Variants in KIF6 observed in about 807,000 individuals in gnomAD.
The protein encoded by KIF6 is kinesin family member 6.
Under a neutral mutation model 112.7 loss-of-function variants are expected in KIF6, and 106 were observed. The ratio of observed to expected loss-of-function variants is 0.94; its 90% CI spans 0.80 to 1.11. The LOEUF (loss-of-function observed/expected upper bound fraction) is 1.11. KIF6 is among the 50% of genes least tolerant of loss of function. The probability of loss-of-function intolerance (pLI) is 0.00; values close to 1 mark genes in which losing one functional copy is unlikely to be tolerated. For missense variants in KIF6, 929 were observed against 964.0 expected (o/e 0.96, Z 0.48); for synonymous variants, 339 against 339.9 (o/e 1.00, Z 0.03).
chr6:39,709,882 G>A (rs1789437533), intron 3 of KIF6, among the ~76,000 whole-genome samples: 1 of 151,934 alleles, frequency 6.6e-6, no homozygotes, highest in Non-Finnish European at 1.5e-5. Context: ...GCCAAATTAT[G>A]TAATTCTTAA....
At chr6:39,681,188 G>C (rs983834173) in intron 3 of KIF6, among the ~76,000 whole-genome samples, 1 of 152,112 alleles carries the variant, frequency 6.6e-6, no homozygotes, top group Non-Finnish European at 1.5e-5. Context: ...GATCCGATTT[G>C]AACACAATGA....
chr6:39,336,333 T>TCAGCCC lies in KIF6; in HGVS notation c.*193_*198dup, dbSNP rs1053132362. ...AGCAACCACAGGAAGGATGTTGTGG[T>TCAGCCC]CAGCCCCAGCCCCAGCCTCTCGGTG... On this transcript the variant is annotated 3_prime_UTR_variant, in exon 23 of 23. Transcript: ENST00000287152. 5 of 581,606 alleles carry TCAGCCC rather than the reference T, an allele frequency of 8.6e-6. No individual in the cohort carries two copies. Among genetic ancestry groups the TCAGCCC allele is most frequent in the Non-Finnish European group, 1.2e-5 (4 of 328,152 alleles). The allele number at this position is 581,606 out of a possible 1,614,324, so 36.0% of individuals were successfully genotyped here. A position where few individuals can be genotyped will look rare whatever the true frequency, so the allele number is the denominator to read the frequency against.
At chr6:39,641,471 C>T (rs1009209601) in intron 3 of KIF6, among the ~76,000 whole-genome samples, 4 of 151,440 alleles carry the variant, frequency 2.6e-5, no homozygotes, top group Non-Finnish European at 4.4e-5. Flanking sequence ...GGAAGGGGAA[C>T]ATCACACACC....
intron 3 of KIF6, among the ~76,000 whole-genome samples, chr6:39,712,505 T>C (rs1351939976): frequency 6.6e-6 from 1 of 152,098 alleles, no homozygotes; most frequent in African/African-American, 2.4e-5. Flanking sequence ...ACGAAGCCCC[T>C]GCCTTCATGG....
chr6:39,688,954 T>C (rs1456956667), intron 3 of KIF6, among the ~76,000 whole-genome samples: 5 of 151,980 alleles, frequency 3.3e-5, no homozygotes, highest in Non-Finnish European at 7.4e-5. Flanking sequence ...AATAAAAAGT[T>C]AGCCCAGTGT....
rs1453038915 is a variant in KIF6 at position 39,510,562 on chromosome 6, G to A, written c.1645+29441C>T. 2.0e-5 allele frequency among the ~76,000 whole-genome samples: 3 copies of A among 152,080 alleles called. No individual in the cohort carries two copies. In the East Asian group the frequency reaches 5.8e-4, roughly 29 times the overall value. On this transcript the variant is annotated intron_variant, in intron 13 of 22. Coordinates refer to ENST00000287152, the MANE Select transcript of KIF6 (RefSeq NM_145027.6). ...CCGAAGGAATCACTAAACATGGAAA[G>A]GAACAACTGGTACCAGCAACTGCAA...
intron 19 of KIF6, among the ~76,000 whole-genome samples, chr6:39,350,005 C>T (rs974215109): frequency 2.0e-5 from 3 of 152,156 alleles, no homozygotes; most frequent in Non-Finnish European, 4.4e-5. Context: ...CCTTTCGGGG[C>T]CTCAGTGTCC....
chr6:39,359,005 C>A (rs915807704), intron 18 of KIF6, among the ~76,000 whole-genome samples: 1 of 152,072 alleles, frequency 6.6e-6, no homozygotes, highest in Non-Finnish European at 1.5e-5. Context: ...TTTTGATAAC[C>A]GTATTTCATT....
At chr6:39,662,183 T>C (rs1308918016) in intron 3 of KIF6, among the ~76,000 whole-genome samples, 3 of 152,294 alleles carry the variant, frequency 2.0e-5, no homozygotes, top group African/African-American at 7.2e-5. Context: ...GGATATTAAG[T>C]GGTGTAAGTA....
At chr6:39,436,728 T>C (rs763559052) in intron 13 of KIF6, among the ~76,000 whole-genome samples, 9 of 152,208 alleles carry the variant, frequency 5.9e-5, no homozygotes, top group African/African-American at 9.6e-5. Context: ...GGTCTGTGTG[T>C]CTACTTTTAC....
In KIF6 at chr6:39,639,850, C is replaced by A. The variant is rs949321119; in HGVS notation, c.252-93G>T. 9.7e-5 allele frequency: 107 copies of A among 1,097,540 alleles called. 1 individual carries two copies. Among genetic ancestry groups the A allele is most frequent in the African/African-American group, 1.8e-4 (11 of 60,462 alleles). 68.0% of individuals were successfully genotyped at this position (1,097,540 alleles called of 1,614,324 possible). ...ATTCTAATAACAATCTTATTAAACA[C>A]TATTAAAAAAACTTTATAGAAATAT... is the stretch of plus-strand genomic sequence containing the variant. On this transcript the variant is annotated intron_variant, in intron 3 of 22. Coordinates refer to ENST00000287152, the MANE Select transcript of KIF6 (RefSeq NM_145027.6).
intron 13 of KIF6, among the ~76,000 whole-genome samples, chr6:39,480,376 C>T (rs925987676): frequency 2.0e-5 from 3 of 152,152 alleles, no homozygotes; most frequent in African/African-American, 7.2e-5. Flanking sequence ...GCATGTTAAA[C>T]CATCCTTGCA....
Position 39,592,115 on chromosome 6 carries a change from A to AAAC in KIF6, c.846+3938_846+3939insGTT, listed in dbSNP as rs1554131854. 2.6e-4 allele frequency among the ~76,000 whole-genome samples: 40 copies of AAAC among 151,928 alleles called. No homozygotes were observed. The East Asian group carries it at 5.5e-3, about 21-fold the overall frequency. ...CGACAGAGTGAGACTCCGTCTCAAA[A>AAAC]AAACAAACAAACAAACAAACAAACC... On this transcript the variant is annotated intron_variant, in intron 7 of 22. Transcript: ENST00000287152.
intron 15 of KIF6, among the ~76,000 whole-genome samples, chr6:39,413,049 A>T (rs569724690): frequency 2.2e-4 from 34 of 152,126 alleles, no homozygotes; most frequent in African/African-American, 8.2e-4. Context: ...TTTTATCATT[A>T]TTTTTAATAG....
At chr6:39,419,859 G>T (rs1378757459) in intron 15 of KIF6, 89 bp downstream of exon 15, 13 of 1,125,180 alleles carry the variant, frequency 1.2e-5, no homozygotes, top group Non-Finnish European at 1.6e-5. Flanking sequence ...GCCATTTGGG[G>T]CTTCATGGCC....
chr6:39,448,238 G>A (rs1001924902), intron 13 of KIF6, among the ~76,000 whole-genome samples: 7 of 151,956 alleles, frequency 4.6e-5, no homozygotes, highest in African/African-American at 1.7e-4. Flanking sequence ...GCAGTGGTGC[G>A]ATCTTGGCTC....
At chr6:39,723,070 G>T (rs998471255) in intron 1 of KIF6, among the ~76,000 whole-genome samples, 3 of 152,164 alleles carry the variant, frequency 2.0e-5, no homozygotes, top group African/African-American at 7.2e-5. Flanking sequence ...AAGCTCAACA[G>T]TTTAAGCTAA....
chr6:39,624,375 T>C (rs1171208664), intron 5 of KIF6, among the ~76,000 whole-genome samples: 1 of 152,192 alleles, frequency 6.6e-6, no homozygotes, highest in Non-Finnish European at 1.5e-5. Context: ...CTCTATCAGT[T>C]GAGCTATAAT....
At chr6:39,717,423 G>A (rs931898118) in intron 2 of KIF6, among the ~76,000 whole-genome samples, 1 of 152,128 alleles carries the variant, frequency 6.6e-6, no homozygotes, top group Non-Finnish European at 1.5e-5. Flanking sequence ...TCATCCCTTA[G>A]ATACTTGAAT....
Sources: gnomAD v4.1 joint callset for allele counts (sites outside exome capture counted in the v4.1 genomes callset) on GRCh38, gnomAD v4.1.1 for gene constraint, MANE v1.5 for transcripts, NCBI Gene and HGNC (gene_info 2026-07-23, HGNC 2026-07-21) for gene names.